Variants in FRMD4B observed in about 807,000 individuals in gnomAD.
FRMD4B encodes the protein FERM domain-containing protein 4B.
In FRMD4B, 74 loss-of-function variants were observed where a neutral mutation model predicts 141.5. The ratio of observed to expected loss-of-function variants is 0.52; its 90% CI spans 0.43 to 0.63. The LOEUF (loss-of-function observed/expected upper bound fraction) is 0.63. Among genes scored for constraint, FRMD4B ranks in the 30% least tolerant of loss-of-function variants. The pLI, the probability that FRMD4B is intolerant of heterozygous loss-of-function variation, is 0.00. For synonymous variants in FRMD4B, 506 were observed against 467.9 expected (o/e 1.08, Z -1.05); for missense variants, 1,366 against 1,253.4 (o/e 1.09, Z -1.36).
At chr3:69,195,193 T>A (rs1359799352) in intron 15 of FRMD4B, 38 bp downstream of exon 15, 1 of 1,613,418 alleles carries the variant, frequency 6.2e-7, no homozygotes, top group Admixed American at 1.7e-5. Context: ...GCCAAAGTTG[T>A]CAAACACAAC....
At chr3:69,218,251 G>C in intron 10 of FRMD4B, 71 bp downstream of exon 10, 1 of 756,764 alleles carries the variant, frequency 1.3e-6, no homozygotes, top group Non-Finnish European at 2.3e-6. Flanking sequence ...CTTTTATATA[G>C]TATGAAAAAA....
Position 69,224,652 on chromosome 3 carries a change from G to C in FRMD4B, c.620C>G (p.Ala207Gly), listed in dbSNP as rs1185810749. 7 of 1,584,066 alleles carry C rather than the reference G, an allele frequency of 4.4e-6. No individual in the cohort carries two copies. The highest frequency in any genetic ancestry group is 6.0e-6 in the Non-Finnish European group (7 of 1,158,700). The change falls in exon 8 of 23, where the codon GCC becomes GGC. Residue 207 changes from alanine (A) to glycine (G), a missense_variant. By Grantham distance (60) the Ala-to-Gly change is moderately conservative. Transcript: ENST00000398540. ...CTCCTGAAGAGTTTTGGTTGGAAAG[G>C]CTGGTAATGTCTTTAAATCTTTCCT... ...NARKDLKTLP[A>G]FPTKTLQEHP...
At chr3:69,396,106 T>C (rs1278721254) in intron 2 of FRMD4B, among the ~76,000 whole-genome samples, 1 of 152,222 alleles carries the variant, frequency 6.6e-6, no homozygotes, top group Non-Finnish European at 1.5e-5. Flanking sequence ...ATAATCTTAT[T>C]TTGCCAGTGT....
intron 1 of FRMD4B, among the ~76,000 whole-genome samples, chr3:69,489,653 C>A (rs1706272045): frequency 6.6e-6 from 1 of 152,146 alleles, no homozygotes; most frequent in African/African-American, 2.4e-5. Context: ...TAAAATGGTG[C>A]AGCCACTTTG....
chr3:69,519,458 C>A (rs1033932082), intron 1 of FRMD4B, among the ~76,000 whole-genome samples: 1 of 152,076 alleles, frequency 6.6e-6, no homozygotes, highest in Non-Finnish European at 1.5e-5. Flanking sequence ...AACCAGGAAT[C>A]CCCCTGTTGG....
In FRMD4B at chr3:69,195,326, C is replaced by T. The variant is rs1559704564; in HGVS notation, c.1273G>A (p.Glu425Lys). 6.2e-7 allele frequency: 1 copy of T among 1,613,048 alleles called. No individual in the cohort carries two copies. Among genetic ancestry groups the T allele is most frequent in the Non-Finnish European group, 8.5e-7 (1 of 1,179,494 alleles). The change falls in exon 15 of 23, where the codon GAA becomes AAA. Residue 425 changes from glutamate to lysine, a missense_variant. Transcript: ENST00000398540. ...DSEVSEEQKR[E>K]KILELKKKEK... ...TTCTTCTTTAGTTCAAGGATTTTTT[C>T]TCTCTTTTGCTCTTCACTAACTTCT...
intron 17 of FRMD4B, 57 bp downstream of exon 17, chr3:69,193,591 T>C (rs2107642592): frequency 3.3e-6 from 3 of 908,640 alleles, no homozygotes; most frequent in Non-Finnish European, 5.2e-6. Flanking sequence ...GGAAATGCTA[T>C]ATACCATGAA....
chr3:69,188,473 T>C (rs1230466637), intron 18 of FRMD4B, among the ~76,000 whole-genome samples: 1 of 152,198 alleles, frequency 6.6e-6, no homozygotes, highest in Admixed American at 6.5e-5. Flanking sequence ...TGAAATTTTA[T>C]GCACCATAAA....
At chr3:69,419,357 C>G (rs955313822) in intron 2 of FRMD4B, among the ~76,000 whole-genome samples, 3 of 152,232 alleles carry the variant, frequency 2.0e-5, no homozygotes, top group Non-Finnish European at 4.4e-5. Context: ...TCTCAGCTCC[C>G]TTTCCTCAGT....
intron 1 of FRMD4B, among the ~76,000 whole-genome samples, chr3:69,358,503 A>G (rs1048678745): frequency 1.3e-5 from 2 of 152,166 alleles, no homozygotes; most frequent in African/African-American, 4.8e-5. Flanking sequence ...TGGGAAGCCA[A>G]AAAAAACAGA....
intron 1 of FRMD4B, among the ~76,000 whole-genome samples, chr3:69,464,593 G>A (rs1400482457): frequency 1.3e-5 from 2 of 152,192 alleles, no homozygotes; most frequent in Non-Finnish European, 2.9e-5. Context: ...TCTTATAGAA[G>A]TGGTCCTTCT....
rs151027353 is a variant in FRMD4B, at chr3:69,523,273, T to A, written c.-129+18933A>T. Among the ~76,000 whole-genome samples the A allele has an allele frequency of 1.1e-4, 16 of 152,112 alleles. No individual in the cohort carries two copies. The East Asian group carries it at 2.9e-3, about 28-fold the overall frequency. On this transcript the variant is annotated intron_variant, in intron 1 of 5. Transcript: ENST00000459638. ...CAGCCTCATAAGAGGATGACAGAAG[T>A]GGTTAAGTAGTCCTTTAGCACAGGG...
At chr3:69,189,839 T>A (rs965515882) in intron 18 of FRMD4B, 57 bp downstream of exon 18, 1 of 1,043,022 alleles carries the variant, frequency 9.6e-7, no homozygotes, top group Non-Finnish European at 1.5e-6. Flanking sequence ...AAGAAAATTA[T>A]CTTAATTATT....
chr3:69,533,064 C>A (rs940788998), intron 1 of FRMD4B, among the ~76,000 whole-genome samples: 4 of 152,168 alleles, frequency 2.6e-5, no homozygotes, highest in African/African-American at 4.8e-5. Flanking sequence ...TTTTACAATG[C>A]CAAAAATTCC....
chr3:69,403,065 A>G (rs774556869), intron 2 of FRMD4B, among the ~76,000 whole-genome samples: 15 of 152,192 alleles, frequency 9.9e-5, no homozygotes, highest in Non-Finnish European at 1.9e-4. Flanking sequence ...AGGACCCTGA[A>G]GATACTGGGT....
intron 18 of FRMD4B, 78 bp from the exon 19 acceptor site, chr3:69,187,995 AAAAG>A: frequency 2.6e-6 from 2 of 758,310 alleles, no homozygotes; most frequent in Non-Finnish European, 4.4e-6. Context: ...AATACCTCAA[AAAAG>A]AAATTAGAAG....
At chr3:69,250,247 G>A in intron 5 of FRMD4B, 148 bp from the exon 6 acceptor site, 1 of 708,484 alleles carries the variant, frequency 1.4e-6, no homozygotes, top group Non-Finnish European at 2.6e-6. Flanking sequence ...AGTGGGGGGT[G>A]TGGAGAGACT....
Position 69,169,375 on chromosome 3 carries a change from T to TCTTC in FRMD4B, c.*2485_*2486insGAAG, listed in dbSNP as rs2092564435. On this transcript the variant is annotated 3_prime_UTR_variant, in exon 23 of 23. Coordinates refer to ENST00000398540, the MANE Select transcript of FRMD4B (RefSeq NM_015123.3). Reference sequence around the variant, plus strand: ...TTTCTTTTTTTTTTTTTTTTTTTTTTCTTGAGACAAGGTCTGTTATTGCCT... The same window carrying TCTTC: ...TTTCTTTTTTTTTTTTTTTTTTTTTTCTTCCTTGAGACAAGGTCTGTTATTGCCT... 1.6e-5 allele frequency among the ~76,000 whole-genome samples: 2 copies of TCTTC among 124,610 alleles called. No individual in the cohort carries two copies. The highest frequency in any genetic ancestry group is 2.9e-5 in the African/African-American group (1 of 34,328). 81.7% of individuals were successfully genotyped at this position (124,610 alleles called of 152,430 possible).
At chr3:69,341,393 A>G (rs1368077613) in intron 1 of FRMD4B, among the ~76,000 whole-genome samples, 2 of 152,212 alleles carry the variant, frequency 1.3e-5, no homozygotes, top group East Asian at 1.9e-4. Context: ...TCAACTCAAC[A>G]CAAGGCCAAA....
Sources: gnomAD v4.1 joint callset for allele counts (sites outside exome capture counted in the v4.1 genomes callset) on GRCh38, gnomAD v4.1.1 for gene constraint, MANE v1.5 for transcripts, NCBI Gene and HGNC (gene_info 2026-07-23, HGNC 2026-07-21) for gene names.